The following MLLT3 variants were observed in gnomAD, a reference collection of about 807,000 sequenced individuals.
The protein encoded by MLLT3 is MLLT3 super elongation complex subunit, also known as protein AF-9.
A neutral mutation model predicts 53.2 loss-of-function variants in MLLT3; 4 were observed. The observed-to-expected ratio is 0.08, with a 90% confidence interval of 0.04 to 0.17. The LOEUF (loss-of-function observed/expected upper bound fraction) is 0.17. Ranked by LOEUF, MLLT3 falls within the 10% of genes least tolerant of loss-of-function variation. The pLI, the probability that MLLT3 is intolerant of heterozygous loss-of-function variation, is 1.00. For missense variants in MLLT3, 569 were observed against 684.0 expected (o/e 0.83, Z 1.87); for synonymous variants, 283 against 230.6 (o/e 1.23, Z -2.06).
intron 4 of MLLT3, among the ~76,000 whole-genome samples, chr9:20,420,588 ATC>A (rs1448986945): frequency 2.6e-5 from 4 of 152,234 alleles, no homozygotes; most frequent in Non-Finnish European, 5.9e-5. Context: ...AAATCAATAT[ATC>A]TTTGTCATAA....
At chr9:20,529,547 T>C (rs1323566041) in intron 2 of MLLT3, among the ~76,000 whole-genome samples, 3 of 152,172 alleles carry the variant, frequency 2.0e-5, no homozygotes, top group African/African-American at 4.8e-5. Context: ...TTGACCTTTC[T>C]CTAAAAGTAT....
chr9:20,396,214 A>G (rs1387473575), intron 5 of MLLT3, among the ~76,000 whole-genome samples: 1 of 152,018 alleles, frequency 6.6e-6, no homozygotes, highest in East Asian at 1.9e-4. Flanking sequence ...TAGCACTTTA[A>G]ACTTTGGGAA....
At chr9:20,536,804 C>T (rs1818499227) in intron 2 of MLLT3, among the ~76,000 whole-genome samples, 1 of 151,710 alleles carries the variant, frequency 6.6e-6, no homozygotes, top group African/African-American at 2.4e-5. Flanking sequence ...TATTTTTTCT[C>T]CACTCCAGTA....
At chr9:20,362,159 G>C (rs138325475) in intron 7 of MLLT3, among the ~76,000 whole-genome samples, 2 of 152,116 alleles carry the variant, frequency 1.3e-5, no homozygotes, top group Non-Finnish European at 2.9e-5. Flanking sequence ...AACACAGCAC[G>C]GTCAGGCAGG....
chr9:20,378,595 T>C (rs1016055056), intron 5 of MLLT3, among the ~76,000 whole-genome samples: 5 of 152,032 alleles, frequency 3.3e-5, no homozygotes, highest in African/African-American at 1.2e-4. Flanking sequence ...CCCTAGAAGT[T>C]TGAAATTATC....
chr9:20,499,454 G>C (rs1825163722), intron 2 of MLLT3, among the ~76,000 whole-genome samples: 1 of 152,050 alleles, frequency 6.6e-6, no homozygotes, highest in African/African-American at 2.4e-5. Context: ...TCTCAATTTT[G>C]CTGTGAACTT....
At chr9:20,446,064 T>C (rs1295999506) in intron 4 of MLLT3, among the ~76,000 whole-genome samples, 1 of 152,216 alleles carries the variant, frequency 6.6e-6, no homozygotes, top group Non-Finnish European at 1.5e-5. Flanking sequence ...TTTTTTACAT[T>C]TCTATAGAAG....
intron 2 of MLLT3, among the ~76,000 whole-genome samples, chr9:20,580,788 C>T (rs892288556): frequency 3.3e-5 from 5 of 152,158 alleles, no homozygotes; most frequent in East Asian, 1.9e-4. Flanking sequence ...CTGTATTAGA[C>T]GTAGCATTCT....
chr9:20,621,820 C>A lies in MLLT3; in HGVS notation c.12+425G>T. ...TGCGGAGGTGCGGCCGCCGAGGCTG[C>A]TCGCCGCGTCCCCGGACTGTGCCCG... On this transcript the variant is annotated intron_variant, in intron 1 of 10. Transcript: ENST00000380338. This position sits in a 1 kb window ranked among gnomAD's most constrained non-coding sequence, Gnocchi z 7.0. The A allele has an allele frequency of 7.0e-7, 1 of 1,428,714 alleles. No individual in the cohort carries two copies. The highest frequency in any genetic ancestry group is 9.1e-7 in the Non-Finnish European group (1 of 1,103,248). 88.5% of individuals were successfully genotyped at this position (1,428,714 alleles called of 1,614,324 possible).
At chr9:20,414,884 G>C (rs1429086401) in intron 4 of MLLT3, among the ~76,000 whole-genome samples, 1 of 152,150 alleles carries the variant, frequency 6.6e-6, no homozygotes, top group African/African-American at 2.4e-5. Flanking sequence ...TCTGAATTAG[G>C]TCCTGGAGGA....
chr9:20,588,112 T>C (rs1162362583), intron 2 of MLLT3, among the ~76,000 whole-genome samples: 1 of 152,142 alleles, frequency 6.6e-6, no homozygotes, highest in East Asian at 1.9e-4. Flanking sequence ...CTTTCCCCAT[T>C]GCTTGTTTTT....
intron 2 of MLLT3, among the ~76,000 whole-genome samples, chr9:20,603,940 T>A (rs543180630): frequency 5.5e-4 from 83 of 152,182 alleles, no homozygotes; most frequent in African/African-American, 1.8e-3. Flanking sequence ...CCTCAATAGT[T>A]TTCATGTGAA....
chr9:20,444,495 A>C (rs1311548578), intron 4 of MLLT3, among the ~76,000 whole-genome samples: 1 of 152,126 alleles, frequency 6.6e-6, no homozygotes, highest in East Asian at 1.9e-4. Context: ...AATTTATATA[A>C]TAAATATGAA....
chr9:20,483,940 T>C (rs1418448908), intron 2 of MLLT3, among the ~76,000 whole-genome samples: 1 of 151,732 alleles, frequency 6.6e-6, no homozygotes, highest in Non-Finnish European at 1.5e-5. Context: ...CTCGATCTCC[T>C]GACCTCATGA....
chr9:20,384,540 TG>T (rs1413048977), intron 5 of MLLT3, among the ~76,000 whole-genome samples: 1 of 152,082 alleles, frequency 6.6e-6, no homozygotes, highest in Non-Finnish European at 1.5e-5. Context: ...TCCAAAAACG[TG>T]TTCTTAATGC....
At position 20,346,426 on chromosome 9, in the gene MLLT3, A is replaced by G. The variant is rs771568359; in HGVS notation, c.*17T>C. The G allele has an allele frequency of 6.3e-7, 1 of 1,582,164 alleles. No individual in the cohort carries two copies. The highest frequency in any genetic ancestry group is 1.9e-5 in the Admixed American group (1 of 51,660). On this transcript the variant is annotated 3_prime_UTR_variant, in exon 11 of 11. Transcript: ENST00000380338. Reference sequence around the variant, plus strand: ...AAAAAAACACAATAGTTCTTGATGCATCCAGTTGTTATATCCTCAGGATGT... The same window carrying G: ...AAAAAAACACAATAGTTCTTGATGCGTCCAGTTGTTATATCCTCAGGATGT...
Position 20,441,574 on chromosome 9 carries a change from A to C in MLLT3, c.420+6549T>G, listed in dbSNP as rs531459515. Among the ~76,000 whole-genome samples the C allele has an allele frequency of 9.2e-5, 14 of 152,252 alleles. No individual in the cohort carries two copies. In the South Asian group the frequency reaches 2.9e-3, roughly 32 times the overall value. On this transcript the variant is annotated intron_variant, in intron 4 of 10. Coordinates refer to ENST00000380338, the MANE Select transcript of MLLT3 (RefSeq NM_004529.4). ...ACAGAAAATTAGCTTCTAAGAAATAACCACACAAATGAAGCAGCCTGCTTC... is the reference window on the plus strand; with the variant it reads ...ACAGAAAATTAGCTTCTAAGAAATACCCACACAAATGAAGCAGCCTGCTTC...
chr9:20,474,547 T>C (rs1312389119), intron 2 of MLLT3, among the ~76,000 whole-genome samples: 3 of 152,100 alleles, frequency 2.0e-5, no homozygotes, highest in African/African-American at 2.4e-5. Context: ...ACCAAAAGAC[T>C]CTGCCTTCAT....
intron 2 of MLLT3, chr9:20,532,987 C>T (rs998968027): frequency 7.4e-6 from 2 of 269,588 alleles, no homozygotes; most frequent in Non-Finnish European, 1.4e-5. Flanking sequence ...ATCATCACCA[C>T]CTTGGTGGAG....
Sources: gnomAD v4.1 joint callset for allele counts (sites outside exome capture counted in the v4.1 genomes callset) on GRCh38, gnomAD v4.1.1 for gene constraint, Gnocchi (gnomAD v3.1) non-coding constraint, MANE v1.5 for transcripts, NCBI Gene and HGNC (gene_info 2026-07-23, HGNC 2026-07-21) for gene names.